Variants in HINFP observed in about 807,000 individuals in gnomAD.
HINFP encodes histone H4 transcription factor, also known as MBD2 (methyl-CpG-binding protein)-interacting zinc finger protein.
Under a neutral mutation model 50.1 loss-of-function variants are expected in HINFP, and 20 were observed. The observed-to-expected ratio is 0.40, with a 90% CI of 0.28 to 0.58. HINFP has a LOEUF of 0.58. Among genes scored for constraint, HINFP ranks in the 20% least tolerant of loss-of-function variants. The pLI is 0.45. For missense variants in HINFP, 505 were observed against 664.1 expected (o/e 0.76, Z 2.63); for synonymous variants, 247 against 243.7 (o/e 1.01, Z -0.13).
In HINFP at chr11:119,131,747, G is replaced by A. The variant is rs1300781191; in HGVS notation, c.524-83G>A. 1 of 1,602,332 alleles carries A rather than the reference G, an allele frequency of 6.2e-7. No individual in the cohort carries two copies. Among genetic ancestry groups the A allele is most frequent in the East Asian group, 2.2e-5 (1 of 44,796 alleles). On this transcript the variant is annotated intron_variant, in intron 4 of 9. Transcript: ENST00000350777. This position sits in a 1 kb window ranked among gnomAD's most constrained non-coding sequence, Gnocchi z 4.2. ...GGGTCCTACAGGGGCAAGGTTGACT[G>A]CCGGCTGGAGAGACTCAGGGGTACC...
At position 119,129,605 on chromosome 11, in the gene HINFP, C is replaced by T. The variant is rs557878577; in HGVS notation, c.182-1120C>T. Among the ~76,000 whole-genome samples, 9 of 151,460 alleles carry T rather than the reference C, an allele frequency of 5.9e-5. No individual in the cohort carries two copies. In the South Asian group the frequency reaches 1.3e-3, roughly 21 times the overall value. On this transcript the variant is annotated intron_variant, in intron 2 of 9. Transcript: ENST00000350777. ...CCTCCCAAATAGCTGGGACTACAGG[C>T]GCCCACCACCAAGCCCAGCTAATTT...
chr11:119,130,014 A>G (rs563032423), intron 2 of HINFP: 2 of 152,260 alleles, frequency 1.3e-5, no homozygotes, highest in Non-Finnish European at 2.9e-5. Context: ...GTTAACTTAT[A>G]TAAAGCGCTG....
chr11:119,126,857 G>C (rs1254812362), intron 1 of HINFP, 78 bp from the exon 2 acceptor site: 5 of 1,341,302 alleles, frequency 3.7e-6, no homozygotes, highest in Non-Finnish European at 5.2e-6. Context: ...TTCTAGGCAG[G>C]CTGCCTGCCC....
chr11:119,124,113 C>T (rs1018250531), intron 1 of HINFP: 7 of 152,068 alleles, frequency 4.6e-5, no homozygotes, highest in African/African-American at 1.4e-4. Flanking sequence ...TGCACTCGGC[C>T]CAGCAGTCAA....
chr11:119,130,805 T>G lies in HINFP; in HGVS notation c.262T>G (p.Phe88Val). 1 of 1,614,216 alleles carries G rather than the reference T, an allele frequency of 6.2e-7. No individual in the cohort carries two copies. Among genetic ancestry groups the G allele is most frequent in the Non-Finnish European group, 8.5e-7 (1 of 1,180,040 alleles). Residue 88 changes from phenylalanine (F) to valine (V), a missense_variant, in exon 3 of 10, where the codon TTC (phenylalanine) becomes GTC (valine). Transcript: ENST00000350777. The stretch of plus-strand genomic sequence containing the variant: ...TGCTGACCTCATCCGCCATGTCTAC[T>G]TCCACTGCTACCACACCAAGCTGAA... Reference protein sequence around the residue: ...SSADLIRHVYFHCYHTKLKQW... With the variant: ...SSADLIRHVYVHCYHTKLKQW...
chr11:119,132,801 A>G lies in HINFP; in HGVS notation c.875+20A>G, dbSNP rs920086089. ...CTACAGGTAAGGGGGACCAGGGACC[A>G]GAAAACAGCTCATGTTCCAGTGTTC... On this transcript the variant is annotated intron_variant, in intron 7 of 9. Coordinates refer to ENST00000350777, the MANE Select transcript of HINFP (RefSeq NM_198971.3). 1.2e-6 allele frequency: 2 copies of G among 1,613,666 alleles called. No homozygotes were observed. The highest frequency in any genetic ancestry group is 1.7e-6 in the Non-Finnish European group (2 of 1,180,046).
At chr11:119,133,738 G>A (rs1018986153) in intron 9 of HINFP, 7 of 379,494 alleles carry the variant, frequency 1.8e-5, no homozygotes, top group South Asian at 1.1e-4. Flanking sequence ...AATAAATGGT[G>A]CCAAAAAGTC....
In HINFP at chr11:119,134,194, C is replaced by T. The variant is rs201536739; in HGVS notation, c.1250C>T (p.Thr417Met). Residue 417 changes from threonine (T) to methionine (M), a missense_variant, in exon 10 of 10, where the codon ACG (threonine) becomes ATG (methionine). Coordinates refer to ENST00000350777, the MANE Select transcript of HINFP (RefSeq NM_198971.3). This position sits in a 1 kb window ranked among gnomAD's most constrained non-coding sequence, Gnocchi z 4.3. ...CCACAAGAGGGATCGGGCCTGGGAA[C>T]GTCGCTGAACGAGAGCAGCCTGCAG... is the stretch of plus-strand genomic sequence containing the variant. The part of the protein sequence containing the change: ...RQPQEGSGLG[T>M]SLNESSLQGI... The T allele has an allele frequency of 5.7e-5, 92 of 1,614,196 alleles. No individual in the cohort carries two copies. The highest frequency in any genetic ancestry group is 1.5e-4 in the Admixed American group (9 of 60,024).
intron 2 of HINFP, 77 bp from the exon 3 acceptor site, chr11:119,130,648 C>CT (rs1947699286): frequency 1.5e-6 from 2 of 1,303,116 alleles, no homozygotes; most frequent in Non-Finnish European, 2.2e-6. Flanking sequence ...TCCTCACTCT[C>CT]TGTTTAGTGC....
intron 8 of HINFP, 42 bp from the exon 9 acceptor site, chr11:119,133,053 G>C (rs757691873): frequency 6.2e-7 from 1 of 1,614,058 alleles, no homozygotes; most frequent in African/African-American, 1.3e-5. Flanking sequence ...GGGGACCCTG[G>C]GGTGAAGAGC....
Position 119,132,621 on chromosome 11 carries a change from A to G in HINFP, c.755-40A>G, listed in dbSNP as rs1302168280. On this transcript the variant is annotated intron_variant, in intron 6 of 9. Transcript: ENST00000350777. ...CCTCCCTCCTGCCCTCCAAGGTTCC[A>G]CAAGTTCTCACATCACAGCCTCCTC... 6.8e-6 allele frequency: 11 copies of G among 1,613,954 alleles called. No homozygotes were observed. In the East Asian group the frequency reaches 1.8e-4, roughly 26 times the overall value.
Position 119,134,155 on chromosome 11 carries a change from A to C in HINFP, c.1211A>C (p.Gln404Pro). ...VRYESVELTQ[Q>P]LLRQPQEGSG... ...TACGAGAGTGTAGAGCTGACACAGC[A>C]ACTGCTGCGGCAACCACAAGAGGGA... The change falls in exon 10 of 10, where the codon CAA (glutamine) becomes CCA (proline). Residue 404 changes from glutamine (Q) to proline (P), a missense_variant. Transcript: ENST00000350777. This position sits in a 1 kb window ranked among gnomAD's most constrained non-coding sequence, Gnocchi z 4.3. 2 of 1,614,066 alleles carry C rather than the reference A, an allele frequency of 1.2e-6. No homozygotes were observed. Among genetic ancestry groups the C allele is most frequent in the Non-Finnish European group, 1.7e-6 (2 of 1,180,004 alleles).
intron 1 of HINFP, 152 bp from the exon 2 acceptor site, chr11:119,126,783 A>G (rs1947431621): frequency 3.3e-6 from 2 of 607,448 alleles, no homozygotes; most frequent in Non-Finnish European, 5.7e-6. Context: ...GATTTAAGGA[A>G]TTACTCCATC....
chr11:119,132,064 A>G (rs1592283513), intron 5 of HINFP, 82 bp downstream of exon 5: 2 of 1,503,788 alleles, frequency 1.3e-6, no homozygotes, highest in African/African-American at 1.4e-5. Flanking sequence ...GGGGGTGGCC[A>G]CTGAAGAGAC....
intron 2 of HINFP, 105 bp from the exon 3 acceptor site, chr11:119,130,620 C>A: frequency 1.1e-6 from 1 of 948,402 alleles, no homozygotes; most frequent in Non-Finnish European, 1.6e-6. Flanking sequence ...AGAGTCCAGC[C>A]TCCTCACGAG....
Position 119,130,876 on chromosome 11 carries a change from C to T in HINFP, c.333C>T (p.Pro111=). 10 of 1,614,202 alleles carry T rather than the reference C, an allele frequency of 6.2e-6. No individual in the cohort carries two copies. Among genetic ancestry groups the T allele is most frequent in the Non-Finnish European group, 8.5e-6 (10 of 1,180,034 alleles). Residue 111 remains proline, a synonymous_variant, in exon 3 of 10, where the codon CCC becomes CCT. Coordinates refer to ENST00000350777, the MANE Select transcript of HINFP (RefSeq NM_198971.3). ...TGCAAAGCCAGGCTGACCTTGGCCCCTGCATCCTGGACTTCCAGAGCCGGA... is the reference window on the plus strand; with the variant it reads ...TGCAAAGCCAGGCTGACCTTGGCCCTTGCATCCTGGACTTCCAGAGCCGGA... The part of the protein sequence containing the change: ...QALQSQADLG[P]CILDFQSRNV...
intron 7 of HINFP, 31 bp downstream of exon 7, chr11:119,132,812 C>G (rs1364638772): frequency 1.2e-6 from 2 of 1,613,890 alleles, no homozygotes; most frequent in East Asian, 4.5e-5. Context: ...GAAAACAGCT[C>G]ATGTTCCAGT....
chr11:119,130,481 C>T (rs2135063691), intron 2 of HINFP: 2 of 511,572 alleles, frequency 3.9e-6, no homozygotes, highest in East Asian at 6.8e-5. Flanking sequence ...AATATGCTTT[C>T]TCCCTGACTG....
At chr11:119,129,960 T>G (rs928361759) in intron 2 of HINFP, 3 of 152,136 alleles carry the variant, frequency 2.0e-5, no homozygotes, top group African/African-American at 7.2e-5. Context: ...AAGGCAAAAT[T>G]GGGGAATGAT....
Sources: gnomAD v4.1 joint callset for allele counts (sites outside exome capture counted in the v4.1 genomes callset) on GRCh38, gnomAD v4.1.1 for gene constraint, Gnocchi (gnomAD v3.1) non-coding constraint, MANE v1.5 for transcripts, NCBI Gene and HGNC (gene_info 2026-07-23, HGNC 2026-07-21) for gene names.